Variants in RPL27A observed in about 807,000 individuals in gnomAD.
RPL27A encodes the protein ribosomal protein L27a, also known as large ribosomal subunit protein uL15.
For missense variants in RPL27A, 118 were observed against 189.4 expected (o/e 0.62, Z 2.21); for synonymous variants, 69 against 68.3 (o/e 1.01, Z -0.05).
intron 4 of RPL27A, 110 bp from the exon 5 acceptor site, chr11:8,685,568 A>C: frequency 8.0e-7 from 1 of 1,252,262 alleles, no homozygotes; most frequent in South Asian, 1.2e-5. Flanking sequence ...TCAGAAACAT[A>C]CATACCCTGC....
Position 8,687,552 on chromosome 11 carries a change from T to A in RPL27A, c.*1746T>A, listed in dbSNP as rs2039598741. ...CCAATACCTGTGTGACTTTTAGTCCTAATTTCCTCATCTTTAAAATTTCAG... is the reference window on the plus strand; with the variant it reads ...CCAATACCTGTGTGACTTTTAGTCCAAATTTCCTCATCTTTAAAATTTCAG... On this transcript the variant is annotated 3_prime_UTR_variant, in exon 5 of 5. Transcript: ENST00000314138. 1 of 152,290 alleles carries A rather than the reference T, an allele frequency of 6.6e-6. No individual in the cohort carries two copies. The highest frequency in any genetic ancestry group is 1.5e-5 in the Non-Finnish European group (1 of 68,056). 9.4% of individuals were successfully genotyped at this position (152,290 alleles called of 1,614,324 possible). A position where few individuals can be genotyped will look rare whatever the true frequency, so the allele number is the denominator to read the frequency against.
chr11:8,684,282 T>A (rs764923076), intron 3 of RPL27A: 2 of 758,208 alleles, frequency 2.6e-6, no homozygotes, highest in Admixed American at 3.4e-5. Flanking sequence ...GCTAGAGTCC[T>A]CGAAGAGTAA....
chr11:8,684,481 T>C, intron 3 of RPL27A: 1 of 685,904 alleles, frequency 1.5e-6, no homozygotes, highest in Non-Finnish European at 2.7e-6. Flanking sequence ...GTCTCGGCCC[T>C]GCCTCTGACA....
At chr11:8,683,579 C>A in intron 2 of RPL27A, 1 of 516,870 alleles carries the variant, frequency 1.9e-6, no homozygotes, top group Non-Finnish European at 3.5e-6. Flanking sequence ...AAACCGGCAT[C>A]GGTAGGGTGG....
At chr11:8,683,828 C>A (rs754766474) in intron 2 of RPL27A, 178 bp from the exon 3 acceptor site, 88 of 622,738 alleles carry the variant, frequency 1.4e-4, no homozygotes, top group Admixed American at 2.3e-4. Flanking sequence ...CAGGTGTGCG[C>A]CACGACGCCC....
In RPL27A at chr11:8,687,389, T is replaced by TCCCCCCCCCC. The variant is rs760354952; in HGVS notation, c.*1585_*1586insCCCCCCCCCC. 3.3e-4 allele frequency: 33 copies of TCCCCCCCCCC among 100,834 alleles called. 1 individual carries two copies. The highest frequency in any genetic ancestry group is 3.7e-4 in the Non-Finnish European group (17 of 45,772). 6.2% of individuals were successfully genotyped at this position (100,834 alleles called of 1,614,324 possible). A position where few individuals can be genotyped will look rare whatever the true frequency, so the allele number is the denominator to read the frequency against. ...CTTGGGCAACAAGAGTGAAACTCTG[T>TCCCCCCCCCC]CCACCCCCCCCAAAAAAAGTAAGGG... On this transcript the variant is annotated 3_prime_UTR_variant, in exon 5 of 5. Coordinates refer to ENST00000314138, the MANE Select transcript of RPL27A (RefSeq NM_000990.5).
intron 1 of RPL27A, 180 bp downstream of exon 1, chr11:8,682,996 C>A: frequency 1.1e-6 from 1 of 923,354 alleles, no homozygotes; most frequent in Non-Finnish European, 1.6e-6. Flanking sequence ...GTGTGTTAGG[C>A]CCGCGGTTCG....
chr11:8,684,450 T>A (rs2039563889), intron 3 of RPL27A: 2 of 700,134 alleles, frequency 2.9e-6, no homozygotes, highest in Admixed American at 3.7e-5. Flanking sequence ...CATAGAGTGC[T>A]GTTATGTGAC....
chr11:8,683,144 G>T, intron 1 of RPL27A, 58 bp from the exon 2 acceptor site: 1 of 1,540,514 alleles, frequency 6.5e-7, no homozygotes, highest in South Asian at 1.1e-5. Flanking sequence ...CTCGGCTGGC[G>T]GGCATCGCCC....
In RPL27A at chr11:8,686,887, C is replaced by G. The variant is rs2039591938; in HGVS notation, c.*1081C>G. 1 of 152,116 alleles carries G rather than the reference C, an allele frequency of 6.6e-6. No individual in the cohort carries two copies. The highest frequency in any genetic ancestry group is 1.5e-5 in the Non-Finnish European group (1 of 68,020). The allele number at this position is 152,116 out of a possible 1,614,324, so 9.4% of individuals were successfully genotyped here. The stretch of plus-strand genomic sequence containing the variant: ...GAGCTTTTTTTGACCCAAAATAATA[C>G]AGTCTAAAACTATAGACAAATAAGA... On this transcript the variant is annotated 3_prime_UTR_variant, in exon 5 of 5. Transcript: ENST00000314138.
intron 3 of RPL27A, 23 bp from the exon 4 acceptor site, chr11:8,684,695 A>G: frequency 3.7e-6 from 6 of 1,608,368 alleles, no homozygotes; most frequent in Non-Finnish European, 5.1e-6. Flanking sequence ...GTGTGTATGA[A>G]GGTGGTTGTT....
In RPL27A at chr11:8,685,777, G is replaced by T; in HGVS notation, c.418G>T (p.Val140Phe). The T allele has an allele frequency of 1.2e-6, 2 of 1,613,998 alleles. No individual in the cohort carries two copies. Among genetic ancestry groups the T allele is most frequent in the Non-Finnish European group, 1.7e-6 (2 of 1,179,904 alleles). ...AAGAGCTGAGGAGAAGATTAAGAGT[G>T]TTGGGGGGGCCTGTGTCCTGGTGGC... is the stretch of plus-strand genomic sequence containing the variant. ...SRRAEEKIKS[V>F]GGACVLVA The change falls in exon 5 of 5, where the codon GTT (valine) becomes TTT (phenylalanine). Residue 140 changes from valine (V) to phenylalanine (F), a missense_variant. Val to Phe is a conservative substitution (Grantham distance 50). Coordinates refer to ENST00000314138, the MANE Select transcript of RPL27A (RefSeq NM_000990.5).
chr11:8,686,035 A>G lies in RPL27A; in HGVS notation c.*229A>G, dbSNP rs2039584313. On this transcript the variant is annotated 3_prime_UTR_variant, in exon 5 of 5. Coordinates refer to ENST00000314138, the MANE Select transcript of RPL27A (RefSeq NM_000990.5). ...TTTCTGTTTATAAAGTCAGAATAATACCTGTTGATCACTGAAAGGCCTGCA... is the reference window on the plus strand; with the variant it reads ...TTTCTGTTTATAAAGTCAGAATAATGCCTGTTGATCACTGAAAGGCCTGCA... 4 of 503,284 alleles carry G rather than the reference A, an allele frequency of 7.9e-6. No homozygotes were observed. The highest frequency in any genetic ancestry group is 1.4e-5 in the Non-Finnish European group (4 of 278,970). 31.2% of individuals were successfully genotyped at this position (503,284 alleles called of 1,614,324 possible). A position where few individuals can be genotyped will look rare whatever the true frequency, so the allele number is the denominator to read the frequency against.
intron 3 of RPL27A, 113 bp from the exon 4 acceptor site, chr11:8,684,605 C>T: frequency 2.2e-6 from 2 of 897,096 alleles, no homozygotes; most frequent in Non-Finnish European, 1.8e-6. Context: ...ATGCCTGACA[C>T]TGCTCTACAC....
chr11:8,683,873 G>A, intron 2 of RPL27A, 133 bp from the exon 3 acceptor site: 1 of 751,276 alleles, frequency 1.3e-6, no homozygotes, highest in Admixed American at 1.8e-5. Context: ...TAGAGTCGGG[G>A]GTTTCTCCGT....
chr11:8,685,070 A>C, intron 4 of RPL27A, 178 bp downstream of exon 4: 4 of 652,026 alleles, frequency 6.1e-6, no homozygotes, highest in Non-Finnish European at 1.1e-5. Context: ...GTCACTGCCC[A>C]GGTTGTATCA....
At chr11:8,684,196 G>A (rs760685455) in intron 3 of RPL27A, 115 bp downstream of exon 3, 4 of 879,024 alleles carry the variant, frequency 4.6e-6, no homozygotes, top group South Asian at 3.9e-5. Context: ...TTTTTACCAA[G>A]TTAACACTTG....
Position 8,687,389 on chromosome 11 carries a change from T to TCTCCCCC in RPL27A, c.*1584_*1585insTCCCCCC, listed in dbSNP as rs1555082943. On this transcript the variant is annotated 3_prime_UTR_variant, in exon 5 of 5. Transcript: ENST00000314138. ...CTTGGGCAACAAGAGTGAAACTCTGTCCACCCCCCCCAAAAAAAGTAAGGG... is the reference window on the plus strand; with the variant it reads ...CTTGGGCAACAAGAGTGAAACTCTGTCTCCCCCCCACCCCCCCCAAAAAAAGTAAGGG... 9.9e-6 allele frequency: 1 copy of TCTCCCCC among 100,804 alleles called. No homozygotes were observed. The highest frequency in any genetic ancestry group is 3.3e-5 in the African/African-American group (1 of 30,364). The allele number at this position is 100,804 out of a possible 1,614,324, so 6.2% of individuals were successfully genotyped here. A position where few individuals can be genotyped will look rare whatever the true frequency, so the allele number is the denominator to read the frequency against.
rs1430689857 is a variant in RPL27A at position 8,688,896 on chromosome 11, C to T, written c.*3090C>T. Reference sequence around the variant, plus strand: ...TGGTGGCTCCATCGGCCGCGTTCATCAGTCAGCACGACCCGACCTCAGTGG... The same window carrying T: ...TGGTGGCTCCATCGGCCGCGTTCATTAGTCAGCACGACCCGACCTCAGTGG... On this transcript the variant is annotated 3_prime_UTR_variant, in exon 5 of 5. Coordinates refer to ENST00000314138, the MANE Select transcript of RPL27A (RefSeq NM_000990.5). The T allele has an allele frequency of 8.5e-5, 13 of 152,292 alleles. No homozygotes were observed. Among genetic ancestry groups the T allele is most frequent in the Non-Finnish European group, 1.6e-4 (11 of 68,076 alleles). 9.4% of individuals were successfully genotyped at this position (152,292 alleles called of 1,614,324 possible). A position where few individuals can be genotyped will look rare whatever the true frequency, so the allele number is the denominator to read the frequency against.
Sources: allele counts gnomAD v4.1 joint callset, GRCh38; gene constraint gnomAD v4.1.1; transcripts MANE v1.5; gene names NCBI Gene and HGNC (gene_info 2026-07-23, HGNC 2026-07-21).